Variants in STK33 observed in about 807,000 individuals in gnomAD.
STK33 encodes the protein serine/threonine-protein kinase 33.
STK33 carries 52 observed loss-of-function variants against 58.0 expected under a neutral mutation model. That is an observed-to-expected ratio of 0.90 (90% CI 0.72 to 1.13). STK33 has a LOEUF of 1.13. Ranked by LOEUF, STK33 falls within the 50% of genes most tolerant of loss-of-function variation. The probability of loss-of-function intolerance (pLI) is 0.00; values close to 1 mark genes in which losing one functional copy is unlikely to be tolerated. For synonymous variants in STK33, 215 were observed against 200.1 expected, an observed-to-expected ratio of 1.07 and a Z score of -0.63; for missense variants, 630 against 604.2, an observed-to-expected ratio of 1.04 and a Z score of -0.45.
chr11:8,514,677 G>A (rs1424870808), intron 1 of STK33, among the ~76,000 whole-genome samples: 1 of 152,200 alleles, frequency 6.6e-6, no homozygotes, highest in African/African-American at 2.4e-5. Context: ...ATCCTGGACT[G>A]GTTATACCCA....
At chr11:8,482,372 G>C (rs1949875457) in intron 1 of STK33, among the ~76,000 whole-genome samples, 1 of 152,106 alleles carries the variant, frequency 6.6e-6, no homozygotes, top group Non-Finnish European at 1.5e-5. Context: ...GAGCATCAGA[G>C]GTCCAAGAGA....
chr11:8,579,447 A>G (rs1035440140), intron 1 of STK33, among the ~76,000 whole-genome samples: 1 of 152,076 alleles, frequency 6.6e-6, no homozygotes, highest in Non-Finnish European at 1.5e-5. Context: ...TTTAAAATAC[A>G]ATGCAATTTT....
chr11:8,389,547 G>A (rs1848589623), downstream of STK33, among the ~76,000 whole-genome samples: 1 of 152,178 alleles, frequency 6.6e-6, no homozygotes, highest in Non-Finnish European at 1.5e-5. Flanking sequence ...GCCATTATAG[G>A]ACGCAACTTC....
rs569773974 is a variant in STK33, at chr11:8,577,377, G to A, written c.-466+16706C>T. Among the ~76,000 whole-genome samples, 9 of 152,064 alleles carry A rather than the reference G, an allele frequency of 5.9e-5. No homozygotes were observed. The East Asian group carries it at 1.2e-3, about 20-fold the overall frequency. ...ATTCATTAATAAATCAGAATATTAG[G>A]AGAACAAACAAAACTAAGTCTTAAC... On this transcript the variant is annotated intron_variant, in intron 1 of 15. Transcript: ENST00000687296.
At chr11:8,452,490 A>G (rs1946403341) in intron 11 of STK33, among the ~76,000 whole-genome samples, 1 of 152,188 alleles carries the variant, frequency 6.6e-6, no homozygotes, top group Non-Finnish European at 1.5e-5. Flanking sequence ...TTTTACACAT[A>G]AAAGAATCAA....
downstream of STK33, among the ~76,000 whole-genome samples, chr11:8,387,057 A>G (rs1848553817): frequency 6.6e-6 from 1 of 152,234 alleles, no homozygotes; most frequent in African/African-American, 2.4e-5. Context: ...AGGACCAGTT[A>G]AAGCCTTGAG....
chr11:8,575,835 C>A (rs774310623), intron 1 of STK33, among the ~76,000 whole-genome samples: 12 of 152,150 alleles, frequency 7.9e-5, no homozygotes, highest in Non-Finnish European at 1.3e-4. Context: ...ATCAATCTAA[C>A]TTACCATAGT....
At chr11:8,505,674 G>A (rs920236707) in intron 1 of STK33, among the ~76,000 whole-genome samples, 9 of 152,174 alleles carry the variant, frequency 5.9e-5, no homozygotes, top group Admixed American at 2.6e-4. Context: ...TCCTCAGACC[G>A]TAAGCGCTAA....
chr11:8,565,625 G>A (rs1957397995), intron 1 of STK33: 1 of 152,196 alleles, frequency 6.6e-6, no homozygotes, highest in Non-Finnish European at 1.5e-5. Context: ...AAGAGATAAT[G>A]TACATAAAGC....
intron 15 of STK33, among the ~76,000 whole-genome samples, chr11:8,405,257 G>A (rs1245933518): frequency 1.3e-5 from 2 of 152,228 alleles, no homozygotes; most frequent in East Asian, 3.8e-4. Context: ...GGACTTGTTA[G>A]TTTTTAATTT....
At chr11:8,461,364 A>C (rs1168366598) in intron 8 of STK33, among the ~76,000 whole-genome samples, 1 of 152,258 alleles carries the variant, frequency 6.6e-6, no homozygotes, top group African/African-American at 2.4e-5. Context: ...ACATATCAGT[A>C]AGACATAGAT....
At chr11:8,523,279 T>TGCCCAGCC in intron 1 of STK33, among the ~76,000 whole-genome samples, 1 of 143,900 alleles carries the variant, frequency 6.9e-6, no homozygotes, top group African/African-American at 2.6e-5. Context: ...GGAGCCCCTC[T>TGCCCAGCC]GCCCAGCCGC....
At chr11:8,532,092 C>G (rs1184325103) in intron 1 of STK33, among the ~76,000 whole-genome samples, 1 of 152,208 alleles carries the variant, frequency 6.6e-6, no homozygotes, top group Admixed American at 6.5e-5. Flanking sequence ...TAGTGAGCCT[C>G]AAAATAACCT....
intron 11 of STK33, among the ~76,000 whole-genome samples, chr11:8,448,800 AAG>A (rs1945864573): frequency 6.6e-6 from 1 of 152,186 alleles, no homozygotes; most frequent in Non-Finnish European, 1.5e-5. Flanking sequence ...AATTAAACAA[AAG>A]AGCTTCTGCA....
intron 1 of STK33, among the ~76,000 whole-genome samples, chr11:8,535,089 G>T (rs1243617255): frequency 1.3e-5 from 2 of 152,084 alleles, no homozygotes; most frequent in South Asian, 2.1e-4. Flanking sequence ...CAAAATAGAC[G>T]AGAGAACATG....
At chr11:8,440,604 A>C in intron 12 of STK33, 74 bp downstream of exon 12, 1 of 1,251,004 alleles carries the variant, frequency 8.0e-7, no homozygotes, top group African/African-American at 1.5e-5. Context: ...ATTAGTTTTA[A>C]TTTAAAGTCT....
the STK33 span, among the ~76,000 whole-genome samples, chr11:8,355,824 G>A: frequency 6.6e-6 from 1 of 152,376 alleles, no homozygotes; most frequent in East Asian, 1.9e-4. Flanking sequence ...TGCCTGGCAT[G>A]TCGGAAGCGC....
intron 14 of STK33, among the ~76,000 whole-genome samples, chr11:8,433,392 G>A (rs1331941136): frequency 6.6e-6 from 1 of 152,168 alleles, no homozygotes; most frequent in Non-Finnish European, 1.5e-5. Flanking sequence ...CTAAAGACAT[G>A]TTGCTGGGAC....
At chr11:8,348,839 C>T in the STK33 span, among the ~76,000 whole-genome samples, 2 of 152,064 alleles carry the variant, frequency 1.3e-5, no homozygotes, top group Non-Finnish European at 2.9e-5. Context: ...AACAGTGGTG[C>T]CTCTGGCTGA....
Sources: gnomAD v4.1 joint callset for allele counts (sites outside exome capture counted in the v4.1 genomes callset) on GRCh38, gnomAD v4.1.1 for gene constraint, MANE v1.5 for transcripts, NCBI Gene and HGNC (gene_info 2026-07-23, HGNC 2026-07-21) for gene names.